Variants in SPTB observed in about 807,000 individuals in gnomAD.
SPTB encodes the protein spectrin beta chain, erythrocytic.
SPTB carries 45 observed loss-of-function variants against 256.2 expected under a neutral mutation model. That is an observed-to-expected ratio of 0.18 (90% CI 0.14 to 0.23). The LOEUF (loss-of-function observed/expected upper bound fraction) is 0.23. SPTB is among the 10% of genes least tolerant of loss of function. SPTB has a pLI of 1.00. For missense variants in SPTB, 2,715 were observed against 3,040.4 expected (o/e 0.89, Z 2.52); for synonymous variants, 1,231 against 1,243.1 (o/e 0.99, Z 0.21).
At position 64,825,385 on chromosome 14, in the gene SPTB, C is replaced by G. The variant is rs1160188951; in HGVS notation, c.-51-2240G>C. 6.6e-6 allele frequency among the ~76,000 whole-genome samples: 1 copy of G among 152,192 alleles called. No individual in the cohort carries two copies. Among genetic ancestry groups the G allele is most frequent in the Non-Finnish European group, 1.5e-5 (1 of 68,022 alleles). ...CTGTCCTCTTCTGCAGATGGACTTGCTGCTTCCAGGACTGAGATTTCGCAC... is the reference window on the plus strand; with the variant it reads ...CTGTCCTCTTCTGCAGATGGACTTGGTGCTTCCAGGACTGAGATTTCGCAC... On this transcript the variant is annotated intron_variant, in intron 1 of 35. Coordinates refer to ENST00000644917, the MANE Select transcript of SPTB (RefSeq NM_001355436.2). This position sits in a 1 kb window ranked among gnomAD's most constrained non-coding sequence, Gnocchi z 4.8.
chr14:64,796,496 A>G lies in SPTB; in HGVS notation c.1341+61T>C. On this transcript the variant is annotated intron_variant, in intron 11 of 35. Coordinates refer to ENST00000644917, the MANE Select transcript of SPTB (RefSeq NM_001355436.2). The surrounding 1 kb of genome is among the most constrained non-coding windows in gnomAD (Gnocchi z 4.1). ...AGCCAGCTTGGACTCCAGCCCAGCC[A>G]AGAGCTGGGGGCTCTGAAGAATGTC... 1 of 1,608,664 alleles carries G rather than the reference A, an allele frequency of 6.2e-7. No homozygotes were observed. Among genetic ancestry groups the G allele is most frequent in the Admixed American group, 1.7e-5 (1 of 60,022 alleles).
Position 64,796,751 on chromosome 14 carries a change from A to C in SPTB, c.1183-36T>G, listed in dbSNP as rs776114213. On this transcript the variant is annotated intron_variant, in intron 10 of 35. Coordinates refer to ENST00000644917, the MANE Select transcript of SPTB (RefSeq NM_001355436.2). This position sits in a 1 kb window ranked among gnomAD's most constrained non-coding sequence, Gnocchi z 4.1. ...GATGGAATGAGAATTCTTGGGGCAC[A>C]GGAGAAATGCCTCACTTTGGGGGCT... 1 of 1,613,678 alleles carries C rather than the reference A, an allele frequency of 6.2e-7. No individual in the cohort carries two copies. The highest frequency in any genetic ancestry group is 2.2e-5 in the East Asian group (1 of 44,888).
chr14:64,796,620 G>A lies in SPTB; in HGVS notation c.1278C>T (p.Arg426=), dbSNP rs947288307. ...RQEKLEQLAR[R]FDRKAAMRET... is the part of the protein sequence containing the mutation. ...CTCTCATTGCGGCCTTCCGGTCAAA[G>A]CGCCGGGCCAGTTGCTCTAGCTTCT... The change falls in exon 11 of 36, where the codon CGC becomes CGT. Residue 426 remains arginine, a synonymous_variant. Coordinates refer to ENST00000644917, the MANE Select transcript of SPTB (RefSeq NM_001355436.2). The surrounding 1 kb of genome is among the most constrained non-coding windows in gnomAD (Gnocchi z 4.1). 1.1e-5 allele frequency: 17 copies of A among 1,614,216 alleles called. No individual in the cohort carries two copies. Among genetic ancestry groups the A allele is most frequent in the Non-Finnish European group, 1.4e-5 (16 of 1,180,048 alleles).
At chr14:64,837,438 C>CTAAAAA (rs1566795177) in intron 1 of SPTB, among the ~76,000 whole-genome samples, 1 of 151,974 alleles carries the variant, frequency 6.6e-6, no homozygotes, top group African/African-American at 2.4e-5. Flanking sequence ...AAGAAAGAAA[C>CTAAAAA]CAAAGATCTA....
chr14:64,775,722 A>G lies in SPTB; in HGVS notation c.4564-319T>C, dbSNP rs2082347031. On this transcript the variant is annotated intron_variant, in intron 22 of 35. Coordinates refer to ENST00000644917, the MANE Select transcript of SPTB (RefSeq NM_001355436.2). This position sits in a 1 kb window ranked among gnomAD's most constrained non-coding sequence, Gnocchi z 5.0. Reference sequence around the variant, plus strand: ...CAGCCTGTGCTCTTGACTGTCCCCTATCTTCCTGTGCTTCAGCAGAGCTTG... The same window carrying G: ...CAGCCTGTGCTCTTGACTGTCCCCTGTCTTCCTGTGCTTCAGCAGAGCTTG... Among the ~76,000 whole-genome samples, 2 of 152,198 alleles carry G rather than the reference A, an allele frequency of 1.3e-5. No homozygotes were observed. Among genetic ancestry groups the G allele is most frequent in the African/African-American group, 4.8e-5 (2 of 41,454 alleles).
intron 2 of SPTB, among the ~76,000 whole-genome samples, chr14:64,819,260 G>T (rs1359399671): frequency 6.6e-6 from 1 of 152,170 alleles, no homozygotes; most frequent in Non-Finnish European, 1.5e-5. Context: ...TGTTTCTTTA[G>T]GTCCAGGAAG....
chr14:64,834,735 C>T (rs2083496932), intron 1 of SPTB, among the ~76,000 whole-genome samples: 2 of 152,106 alleles, frequency 1.3e-5, no homozygotes, highest in Non-Finnish European at 2.9e-5. Flanking sequence ...CGAATCTCTA[C>T]AAATCTTGAA....
Position 64,775,305 on chromosome 14 carries a change from G to A in SPTB, c.4662C>T (p.Asp1554=). 6.2e-7 allele frequency: 1 copy of A among 1,613,230 alleles called. No homozygotes were observed. Among genetic ancestry groups the A allele is most frequent in the East Asian group, 2.2e-5 (1 of 44,888 alleles). ...LVEAAEIDCQ[D]LEERLGHLQS... is the part of the protein sequence containing the mutation. ...GCAGGTGCCCCAGGCGCTCCTCAAG[G>A]TCCTGGCAGTCGATCTCCGCCGCCT... Residue 1554 remains aspartate, a synonymous_variant, in exon 23 of 36, where the codon GAC becomes GAT. Coordinates refer to ENST00000644917, the MANE Select transcript of SPTB (RefSeq NM_001355436.2). This position sits in a 1 kb window ranked among gnomAD's most constrained non-coding sequence, Gnocchi z 5.0.
At chr14:64,822,374 T>TCTCTCTCACACACACACACACA (rs1365655327) in intron 2 of SPTB, among the ~76,000 whole-genome samples, 1 of 1,016 alleles carries the variant, frequency 9.8e-4, no homozygotes, top group African/African-American at 4.5e-3. Flanking sequence ...TCTCTCTCTC[T>TCTCTCTCACACACACACACACA]CACACACACA....
rs376426966 is a variant in SPTB at position 64,772,561 on chromosome 14, G to A, written c.5553+19C>T. The A allele has an allele frequency of 3.1e-4, 493 of 1,601,764 alleles. 2 individuals carry two copies. The highest frequency in any genetic ancestry group is 1.5e-4 in the Non-Finnish European group (181 of 1,179,742). On this transcript the variant is annotated intron_variant, in intron 26 of 35. Transcript: ENST00000644917. This position sits in a 1 kb window ranked among gnomAD's most constrained non-coding sequence, Gnocchi z 5.4. Reference sequence around the variant, plus strand: ...TCCTGGAAATTGGTAGCAGGTGGGCGGCAGGGGGCTGAAGGTACCTGGACA... The same window carrying A: ...TCCTGGAAATTGGTAGCAGGTGGGCAGCAGGGGGCTGAAGGTACCTGGACA...
chr14:64,860,806 G>A (rs937092937), intron 1 of SPTB, among the ~76,000 whole-genome samples: 1 of 152,196 alleles, frequency 6.6e-6, no homozygotes, highest in Non-Finnish European at 1.5e-5. Flanking sequence ...GGAAGACAGT[G>A]TGGCGATTCC....
At chr14:64,770,549 C>T (rs972051774) in intron 27 of SPTB, among the ~76,000 whole-genome samples, 6 of 152,174 alleles carry the variant, frequency 3.9e-5, no homozygotes, top group African/African-American at 4.8e-5. Context: ...GAGAAGAATG[C>T]GCAGTCTTAG....
At chr14:64,861,470 T>C (rs2083969935) in intron 1 of SPTB, among the ~76,000 whole-genome samples, 1 of 152,152 alleles carries the variant, frequency 6.6e-6, no homozygotes, top group South Asian at 2.1e-4. Flanking sequence ...ATACTGTGCA[T>C]CTACAGCAGG....
At chr14:64,848,124 C>T (rs1235717421) in intron 1 of SPTB, among the ~76,000 whole-genome samples, 1 of 152,170 alleles carries the variant, frequency 6.6e-6, no homozygotes, top group Admixed American at 6.5e-5. Flanking sequence ...TCCTTCCCTG[C>T]CATTTAAATC....
chr14:64,765,845 G>T (rs2082165060), intron 32 of SPTB, among the ~76,000 whole-genome samples: 2 of 144,934 alleles, frequency 1.4e-5, no homozygotes, highest in Non-Finnish European at 3.0e-5. Flanking sequence ...TGGGGGTGTG[G>T]TGTGTGCACA....
In SPTB at chr14:64,794,688, T is replaced by C. The variant is rs1367900483; in HGVS notation, c.1645-71A>G. On this transcript the variant is annotated intron_variant, in intron 12 of 35. Coordinates refer to ENST00000644917, the MANE Select transcript of SPTB (RefSeq NM_001355436.2). ...CCTACACATTAGGAGAAGAGACCCCTGCAAAGGGCATGTCTCTAGTAATCT... is the reference window on the plus strand; with the variant it reads ...CCTACACATTAGGAGAAGAGACCCCCGCAAAGGGCATGTCTCTAGTAATCT... The C allele has an allele frequency of 8.2e-6, 13 of 1,587,756 alleles. No homozygotes were observed. In the African/African-American group the frequency reaches 1.6e-4, roughly 20 times the overall value.
rs73275605 is a variant in SPTB, at chr14:64,775,036, T to G, written c.4842+89A>C. 15 of 1,584,912 alleles carry G rather than the reference T, an allele frequency of 9.5e-6. No individual in the cohort carries two copies. The African/African-American group carries it at 1.9e-4, about 20-fold the overall frequency. Reference sequence around the variant, plus strand: ...TCCCCTGGCCTCACTCCTCACACAGTTGGACTCACAAGGCTCCCTACCGAC... The same window carrying G: ...TCCCCTGGCCTCACTCCTCACACAGGTGGACTCACAAGGCTCCCTACCGAC... On this transcript the variant is annotated intron_variant, in intron 23 of 35. Transcript: ENST00000644917. The surrounding 1 kb of genome is among the most constrained non-coding windows in gnomAD (Gnocchi z 5.0).
At chr14:64,780,864 T>C (rs903400040) in intron 20 of SPTB, among the ~76,000 whole-genome samples, 2 of 152,216 alleles carry the variant, frequency 1.3e-5, no homozygotes, top group Non-Finnish European at 2.9e-5. Flanking sequence ...ATGGTATTGG[T>C]ACAAAAACCG....
chr14:64,749,514 G>GC lies in SPTB; in HGVS notation c.6820-42dup, dbSNP rs1345852291. The GC allele has an allele frequency of 6.3e-7, 1 of 1,597,392 alleles. No individual in the cohort carries two copies. Among genetic ancestry groups the GC allele is most frequent in the Admixed American group, 1.7e-5 (1 of 59,676 alleles). ...TCACGGTGGAGTCTGGAGGCCCACAGCCCCCCACCTCCCGGGCCAGGCAAC... is the reference window on the plus strand; with the variant it reads ...TCACGGTGGAGTCTGGAGGCCCACAGCCCCCCCACCTCCCGGGCCAGGCAAC... On this transcript the variant is annotated intron_variant, in intron 35 of 35. Coordinates refer to ENST00000644917, the MANE Select transcript of SPTB (RefSeq NM_001355436.2). The surrounding 1 kb of genome is among the most constrained non-coding windows in gnomAD (Gnocchi z 4.7).
Sources: gnomAD v4.1 joint callset for allele counts (sites outside exome capture counted in the v4.1 genomes callset) on GRCh38, gnomAD v4.1.1 for gene constraint, Gnocchi (gnomAD v3.1) non-coding constraint, MANE v1.5 for transcripts, NCBI Gene and HGNC (gene_info 2026-07-23, HGNC 2026-07-21) for gene names.